Variants in IL12B observed in about 807,000 individuals in gnomAD.
The protein encoded by IL12B is interleukin-12 subunit beta.
In IL12B, 27 loss-of-function variants were observed where a neutral mutation model predicts 39.2. That is an observed-to-expected ratio of 0.69 (90% CI 0.51 to 0.95). The LOEUF is 0.95. Ranked by LOEUF, IL12B falls within the 40% of genes least tolerant of loss-of-function variation. IL12B has a pLI of 0.00. For missense variants in IL12B, 351 were observed against 397.6 expected (o/e 0.88, Z 1.00); for synonymous variants, 142 against 152.1 (o/e 0.93, Z 0.49).
intron 2 of IL12B, among the ~76,000 whole-genome samples, chr5:159,326,142 G>C (rs1754184516): frequency 3.3e-5 from 5 of 152,198 alleles, no homozygotes; most frequent in Admixed American, 3.3e-4. Flanking sequence ...CATCCACTTT[G>C]TAACATCCAG....
intron 2 of IL12B, among the ~76,000 whole-genome samples, chr5:159,325,141 C>T (rs745641627): frequency 6.6e-6 from 1 of 152,160 alleles, no homozygotes; most frequent in African/African-American, 2.4e-5. Flanking sequence ...CTCACTGCAT[C>T]GTCTGCCCTC....
At chr5:159,323,394 T>G in intron 2 of IL12B, 65 bp from the exon 3 acceptor site, 1 of 1,522,550 alleles carries the variant, frequency 6.6e-7, no homozygotes, top group South Asian at 1.1e-5. Flanking sequence ...TGTGTTTTAT[T>G]AACCCTTCGG....
At chr5:159,325,347 T>A (rs553334520) in intron 2 of IL12B, among the ~76,000 whole-genome samples, 2 of 152,306 alleles carry the variant, frequency 1.3e-5, no homozygotes, top group South Asian at 4.1e-4. Context: ...TCTAAATCTC[T>A]CAAATTCTCA....
At position 159,322,416 on chromosome 5, in the gene IL12B, A is replaced by G; in HGVS notation, c.460T>C (p.Phe154Leu). ...WLTTISTDLT[F>L]SVKSSRGSSD... ...CACCCTCTGCTGCTTTTGACACTGA[A>G]TGTCAAATCAGTACTGATTGTCGTC... The change falls in exon 4 of 8, where the codon TTC becomes CTC. Residue 154 changes from phenylalanine to leucine, a missense_variant. Transcript: ENST00000231228. The G allele has an allele frequency of 6.2e-7, 1 of 1,606,190 alleles. No homozygotes were observed. Among genetic ancestry groups the G allele is most frequent in the Non-Finnish European group, 8.5e-7 (1 of 1,172,712 alleles).
chr5:159,322,317 T>A (rs1487469543), intron 4 of IL12B, 77 bp downstream of exon 4: 1 of 913,408 alleles, frequency 1.1e-6, no homozygotes, highest in African/African-American at 1.6e-5. Flanking sequence ...AACTGATAGG[T>A]CACTGAGAGG....
At chr5:159,323,922 A>T (rs1306678608) in intron 2 of IL12B, among the ~76,000 whole-genome samples, 1 of 150,658 alleles carries the variant, frequency 6.6e-6, no homozygotes, top group Non-Finnish European at 1.5e-5. Flanking sequence ...AAAAGCACGT[A>T]AAGTACTTAG....
At chr5:159,316,519 G>C (rs1447108985) in intron 7 of IL12B, among the ~76,000 whole-genome samples, 166 bp downstream of exon 7, 1 of 152,140 alleles carries the variant, frequency 6.6e-6, no homozygotes, top group Non-Finnish European at 1.5e-5. Context: ...CATAACAAAG[G>C]CACCAAATAA....
At chr5:159,318,967 A>C in intron 5 of IL12B, 74 bp from the exon 6 acceptor site, 1,333 of 1,249,346 alleles carry the variant, frequency 1.1e-3, no homozygotes, top group Non-Finnish European at 1.4e-3. Flanking sequence ...TTATGATCTC[A>C]CTTGCACCTT....
intron 3 of IL12B, 134 bp from the exon 4 acceptor site, chr5:159,322,645 G>A: frequency 1.4e-6 from 1 of 711,028 alleles, no homozygotes; most frequent in Admixed American, 2.0e-5. Flanking sequence ...AGCTCCATAA[G>A]GATTGGGAGT....
At chr5:159,319,984 T>C (rs1372595764) in intron 5 of IL12B, among the ~76,000 whole-genome samples, 1 of 152,228 alleles carries the variant, frequency 6.6e-6, no homozygotes, top group African/African-American at 2.4e-5. Flanking sequence ...ATATTATGCT[T>C]GATTAGGCTC....
chr5:159,318,907 T>C lies in IL12B; in HGVS notation c.698-14A>G, dbSNP rs200529978. The C allele has an allele frequency of 6.2e-6, 10 of 1,611,632 alleles. No homozygotes were observed. The highest frequency in any genetic ancestry group is 8.5e-6 in the Non-Finnish European group (10 of 1,178,328). On this transcript the variant is annotated splice_polypyrimidine_tract_variant and intron_variant, in intron 5 of 7. Transcript: ENST00000231228. ...GGTCAGGTTTGACTGTGGAAGAGGA[T>C]AAACATGCTTTATTTTCCTAATAAG...
intron 6 of IL12B, chr5:159,318,107 C>T (rs1011440873): frequency 4.4e-5 from 7 of 157,364 alleles, no homozygotes; most frequent in African/African-American, 1.7e-4. Context: ...GCTGCTAACA[C>T]CTACACAAAA....
intron 2 of IL12B, 141 bp downstream of exon 2, chr5:159,326,553 AT>A: frequency 1.5e-6 from 1 of 658,060 alleles, no homozygotes; most frequent in Non-Finnish European, 2.8e-6. Flanking sequence ...GAGATATGGC[AT>A]TGCATTTTCC....
rs1477555312 is a variant in IL12B, at chr5:159,320,534, C to T, written c.483-14G>A. The T allele has an allele frequency of 1.2e-6, 2 of 1,607,066 alleles. No homozygotes were observed. Among genetic ancestry groups the T allele is most frequent in the Non-Finnish European group, 1.7e-6 (2 of 1,173,966 alleles). ...GGGTCAGAAGAGCTGAAGTCAAAGA[C>T]AGAAATTAGCCTGTGTTACACATTG... On this transcript the variant is annotated splice_polypyrimidine_tract_variant and intron_variant, in intron 4 of 7. Coordinates refer to ENST00000231228, the MANE Select transcript of IL12B (RefSeq NM_002187.3).
intron 1 of IL12B, among the ~76,000 whole-genome samples, chr5:159,327,091 T>A (rs1177897721): frequency 1.3e-5 from 2 of 152,142 alleles, no homozygotes; most frequent in African/African-American, 2.4e-5. Context: ...ACAATCCTCT[T>A]ATTTTTAAGA....
chr5:159,320,007 T>G (rs1228817342), intron 5 of IL12B, among the ~76,000 whole-genome samples: 3 of 152,226 alleles, frequency 2.0e-5, no homozygotes, highest in Non-Finnish European at 1.5e-5. Flanking sequence ...GGATTCATCA[T>G]GGAAACTATC....
At chr5:159,323,982 G>A (rs559440397) in intron 2 of IL12B, among the ~76,000 whole-genome samples, 1 of 151,266 alleles carries the variant, frequency 6.6e-6, no homozygotes, top group East Asian at 1.9e-4. Flanking sequence ...GTTACTTATA[G>A]ACTGAGGAGT....
chr5:159,326,746 G>A lies in IL12B; in HGVS notation c.37C>T (p.Leu13=). 6.2e-7 allele frequency: 1 copy of A among 1,613,394 alleles called. No individual in the cohort carries two copies. Among genetic ancestry groups the A allele is most frequent in the Non-Finnish European group, 8.5e-7 (1 of 1,179,534 alleles). ...HQQLVISWFS[L]VFLASPLVAI... is the part of the protein sequence containing the mutation. ...ACGAGGGGAGATGCCAGAAAAACCA[G>A]GGAAAACCAAGAGATGACCAACTGC... is the stretch of plus-strand genomic sequence containing the variant. Residue 13 remains leucine (L), a synonymous_variant, in exon 2 of 8, where the codon CTG becomes TTG. Transcript: ENST00000231228.
rs746677287 is a variant in IL12B at position 159,323,342 on chromosome 5, T to C, written c.89-13A>G. 3.1e-6 allele frequency: 5 copies of C among 1,613,082 alleles called. No individual in the cohort carries two copies. The highest frequency in any genetic ancestry group is 1.1e-5 in the South Asian group (1 of 91,062). The stretch of plus-strand genomic sequence containing the variant: ...TCTACGACATAAACTGGAATGCACA[T>C]AAAGTGGAGAACCAGGCTGTAAGCT... On this transcript the variant is annotated splice_polypyrimidine_tract_variant and intron_variant, in intron 2 of 7. Coordinates refer to ENST00000231228, the MANE Select transcript of IL12B (RefSeq NM_002187.3).
Sources: allele counts gnomAD v4.1 joint callset (sites outside exome capture counted in the v4.1 genomes callset), GRCh38; gene constraint gnomAD v4.1.1; transcripts MANE v1.5; gene names NCBI Gene and HGNC (gene_info 2026-07-23, HGNC 2026-07-21).